Variants in GAS7 observed in about 807,000 individuals in gnomAD.
GAS7 encodes growth arrest specific 7.
GAS7 carries 28 observed loss-of-function variants against 71.1 expected under a neutral mutation model. The ratio of observed to expected loss-of-function variants is 0.39; its 90% CI spans 0.29 to 0.54. GAS7 has a LOEUF of 0.54. Ranked by LOEUF, GAS7 falls within the 20% of genes least tolerant of loss-of-function variation. The probability of loss-of-function intolerance (pLI) is 0.62; values close to 1 mark genes in which losing one functional copy is unlikely to be tolerated. For synonymous variants in GAS7, 258 were observed against 245.8 expected (o/e 1.05, Z -0.46); for missense variants, 436 against 627.8 (o/e 0.69, Z 3.27).
chr17:10,109,637 G>C (rs1341584507), intron 1 of GAS7, among the ~76,000 whole-genome samples: 1 of 152,224 alleles, frequency 6.6e-6, no homozygotes, highest in Non-Finnish European at 1.5e-5. Context: ...AAAGACATCA[G>C]GCCAGGAGCA....
intron 3 of GAS7, among the ~76,000 whole-genome samples, chr17:9,977,929 C>T (rs1332859050): frequency 1.3e-5 from 2 of 152,152 alleles, no homozygotes; most frequent in South Asian, 4.1e-4. Flanking sequence ...AAAAGTAAAG[C>T]TGGCTGGGCA....
intron 2 of GAS7, among the ~76,000 whole-genome samples, chr17:10,007,263 G>A (rs1230576407): frequency 6.6e-6 from 1 of 151,974 alleles, no homozygotes; most frequent in Non-Finnish European, 1.5e-5. Context: ...CTCAATTTCC[G>A]AGGTATTTCT....
chr17:10,157,967 C>A (rs1567613891), intron 1 of GAS7, among the ~76,000 whole-genome samples: 2 of 152,154 alleles, frequency 1.3e-5, no homozygotes, highest in Admixed American at 6.5e-5. Context: ...ATGATCGTAC[C>A]ACTGCGCTCC....
At chr17:10,069,329 G>A (rs1368426614) in intron 1 of GAS7, among the ~76,000 whole-genome samples, 1 of 152,194 alleles carries the variant, frequency 6.6e-6, no homozygotes, top group Non-Finnish European at 1.5e-5. Flanking sequence ...CTCAACAGGT[G>A]ACAAGCCTCT....
At chr17:10,095,607 G>C (rs2073632714) in intron 1 of GAS7, among the ~76,000 whole-genome samples, 1 of 152,018 alleles carries the variant, frequency 6.6e-6, no homozygotes, top group African/African-American at 2.4e-5. Flanking sequence ...GGATCACAAG[G>C]TCAGGAGATC....
intron 3 of GAS7, among the ~76,000 whole-genome samples, chr17:9,972,568 T>C (rs2070013593): frequency 6.6e-6 from 1 of 152,218 alleles, no homozygotes; most frequent in Non-Finnish European, 1.5e-5. Context: ...TTGAAATAGA[T>C]GTAGTAAACA....
chr17:10,060,696 C>T (rs770787910), intron 1 of GAS7, among the ~76,000 whole-genome samples: 83 of 152,288 alleles, frequency 5.5e-4, no homozygotes, highest in Middle Eastern at 6.8e-3. Flanking sequence ...TACCAAGTGC[C>T]GACAAGGATG....
intron 1 of GAS7, among the ~76,000 whole-genome samples, chr17:10,143,757 C>A (rs1255657986): frequency 1.3e-5 from 2 of 152,144 alleles, no homozygotes; most frequent in Non-Finnish European, 2.9e-5. Flanking sequence ...CATTTATGGT[C>A]TCAGACTTGT....
chr17:10,085,706 A>AAAAGAAAGAAAGAAAG (rs796340516), intron 1 of GAS7, among the ~76,000 whole-genome samples: 3 of 134,942 alleles, frequency 2.2e-5, no homozygotes, highest in Admixed American at 7.4e-5. Context: ...AAAAAAAAAA[A>AAAAGAAAGAAAGAAAG]AAAGAAAGAA....
intron 11 of GAS7, among the ~76,000 whole-genome samples, chr17:9,921,157 C>CTTT (rs962798348): frequency 1.5e-5 from 2 of 137,416 alleles, no homozygotes; most frequent in African/African-American, 2.7e-5. Flanking sequence ...GCATTTTTTT[C>CTTT]TTTTTTTTTT....
At chr17:10,022,180 C>T (rs2072296004) in intron 1 of GAS7, among the ~76,000 whole-genome samples, 2 of 152,060 alleles carry the variant, frequency 1.3e-5, no homozygotes, top group African/African-American at 2.4e-5. Flanking sequence ...TTGCCTGAGC[C>T]TAGGAGGTTG....
rs1269652504 is a variant in GAS7 at position 10,034,201 on chromosome 17, C to T, written c.184-14304G>A. The stretch of plus-strand genomic sequence containing the variant: ...CTCGCTGGCAGATCTTGAGCAACCT[C>T]TTCCATCTCTGCTGGGAGGCCTCAA... On this transcript the variant is annotated intron_variant, in intron 1 of 13. Transcript: ENST00000432992. The surrounding 1 kb of genome is among the most constrained non-coding windows in gnomAD (Gnocchi z 4.4). The T allele has an allele frequency of 3.0e-6, 3 of 985,074 alleles. No individual in the cohort carries two copies. The highest frequency in any genetic ancestry group is 3.6e-6 in the Non-Finnish European group (3 of 829,710). The allele number at this position is 985,074 out of a possible 1,614,324, so 61.0% of individuals were successfully genotyped here.
intron 1 of GAS7, among the ~76,000 whole-genome samples, chr17:10,132,668 T>C (rs1204894988): frequency 6.6e-6 from 1 of 152,026 alleles, no homozygotes; most frequent in Non-Finnish European, 1.5e-5. Context: ...CTTGGGAGGC[T>C]GAGGCACGAG....
At chr17:10,079,417 T>C (rs926848220) in intron 1 of GAS7, among the ~76,000 whole-genome samples, 4 of 152,154 alleles carry the variant, frequency 2.6e-5, no homozygotes, top group Non-Finnish European at 5.9e-5. Flanking sequence ...ATTACAACCC[T>C]CCAGCATTAA....
rs1311589372 is a variant in GAS7 at position 9,981,784 on chromosome 17, A to G, written c.385+20T>C. The G allele has an allele frequency of 1.5e-5, 22 of 1,438,396 alleles. No individual in the cohort carries two copies. The highest frequency in any genetic ancestry group is 2.0e-5 in the Non-Finnish European group (20 of 1,019,760). The allele number at this position is 1,438,396 out of a possible 1,614,324, so 89.1% of individuals were successfully genotyped here. ...CATCAGGGCCCTCCCAGTTGCCCCA[A>G]AGCAGACAGCGGACATTACCTGTTG... On this transcript the variant is annotated intron_variant, in intron 3 of 13. Coordinates refer to ENST00000432992, the MANE Select transcript of GAS7 (RefSeq NM_201433.2). This position sits in a 1 kb window ranked among gnomAD's most constrained non-coding sequence, Gnocchi z 4.4.
chr17:10,007,902 TC>T (rs915305975), intron 2 of GAS7, among the ~76,000 whole-genome samples: 20 of 98,000 alleles, frequency 2.0e-4, no homozygotes, highest in African/African-American at 9.7e-4. Flanking sequence ...TAATTCCAGC[TC>T]CCCCCCGCAA....
chr17:10,038,396 A>G (rs80265183), intron 1 of GAS7, among the ~76,000 whole-genome samples: 1 of 152,160 alleles, frequency 6.6e-6, no homozygotes, highest in Non-Finnish European at 1.5e-5. Context: ...AAGAACAGGT[A>G]CTAGTAAGGA....
chr17:10,198,549 G>T lies in GAS7; in HGVS notation c.-159C>A, dbSNP rs974313846. The T allele has an allele frequency of 7.2e-5, 30 of 415,508 alleles. No homozygotes were observed. The highest frequency in any genetic ancestry group is 5.6e-4 in the African/African-American group (27 of 47,978). 25.7% of individuals were successfully genotyped at this position (415,508 alleles called of 1,614,324 possible). On this transcript the variant is annotated 5_prime_UTR_variant, in exon 1 of 14. Coordinates refer to ENST00000432992, the MANE Select transcript of GAS7 (RefSeq NM_201433.2). ...CGCGGGGGTCCTCAGGCAGGCGGGG[G>T]ACGCGCGCTCCGCGCCGGGAAGCAG...
intron 1 of GAS7, among the ~76,000 whole-genome samples, chr17:10,109,593 G>T (rs1445884461): frequency 1.3e-5 from 2 of 152,132 alleles, no homozygotes; most frequent in Non-Finnish European, 2.9e-5. Context: ...CCACTGCTGG[G>T]TATTTATCCA....
Sources: gnomAD v4.1 joint callset for allele counts (sites outside exome capture counted in the v4.1 genomes callset) on GRCh38, gnomAD v4.1.1 for gene constraint, Gnocchi (gnomAD v3.1) non-coding constraint, MANE v1.5 for transcripts, NCBI Gene and HGNC (gene_info 2026-07-23, HGNC 2026-07-21) for gene names.